Variants in PTPRD observed in about 807,000 individuals in gnomAD.
PTPRD encodes the protein protein tyrosine phosphatase receptor type D.
A neutral mutation model predicts 214.5 loss-of-function variants in PTPRD; 34 were observed. The ratio of observed to expected loss-of-function variants is 0.16; its 90% confidence interval spans 0.12 to 0.21. PTPRD has a LOEUF of 0.21. PTPRD is among the 10% of genes least tolerant of loss of function. PTPRD has a pLI of 1.00. For synonymous variants in PTPRD, 1,128 were observed against 845.7 expected, an observed-to-expected ratio of 1.33 and a Z score of -5.79; for missense variants, 2,545 against 2,398.7, an observed-to-expected ratio of 1.06 and a Z score of -1.27.
intron 11 of PTPRD, among the ~76,000 whole-genome samples, chr9:8,956,557 G>A (rs2099132700): frequency 1.3e-5 from 2 of 151,898 alleles, no homozygotes; most frequent in South Asian, 4.1e-4. Flanking sequence ...TGGGCTATGT[G>A]TAAATTTCTT....
chr9:9,803,071 C>A (rs566133596), intron 5 of PTPRD, among the ~76,000 whole-genome samples: 18 of 151,664 alleles, frequency 1.2e-4, no homozygotes, highest in Non-Finnish European at 2.4e-4. Flanking sequence ...ATATGCATAT[C>A]GGTTTATTGT....
At chr9:9,571,220 A>AT (rs2086280534) in intron 8 of PTPRD, among the ~76,000 whole-genome samples, 1 of 151,444 alleles carries the variant, frequency 6.6e-6, no homozygotes, top group Admixed American at 6.6e-5. Context: ...AACAATCCTG[A>AT]TTTTTATACC....
At chr9:10,495,199 T>G (rs953619058) in intron 2 of PTPRD, among the ~76,000 whole-genome samples, 1 of 151,744 alleles carries the variant, frequency 6.6e-6, no homozygotes, top group Admixed American at 6.6e-5. Flanking sequence ...AGAAATGGAG[T>G]AGAGTTATCA....
At position 8,938,303 on chromosome 9, in the gene PTPRD, G is replaced by C. The variant is rs79249339; in HGVS notation, c.-104+80394C>G. Among the ~76,000 whole-genome samples, 81 of 151,914 alleles carry C rather than the reference G, an allele frequency of 5.3e-4. 3 individuals carry two copies. The East Asian group carries it at 0.015, about 28-fold the overall frequency. On this transcript the variant is annotated intron_variant, in intron 11 of 45. Transcript: ENST00000381196. ...AGAGGAGATGAGAAGAGAGGAGGGA[G>C]AAGAGAGAAGAGGAGAGAACACAAG...
chr9:9,220,491 G>C (rs1232443630), intron 9 of PTPRD, among the ~76,000 whole-genome samples: 1 of 151,768 alleles, frequency 6.6e-6, no homozygotes, highest in Non-Finnish European at 1.5e-5. Context: ...TTGTGCATTG[G>C]GGATATATTC....
chr9:9,506,304 T>A (rs1033175750), intron 8 of PTPRD, among the ~76,000 whole-genome samples: 2 of 151,440 alleles, frequency 1.3e-5, no homozygotes, highest in African/African-American at 4.8e-5. Context: ...TTAAAATTTG[T>A]AGAAGCAGTA....
chr9:9,040,121 A>G (rs1202199549), intron 10 of PTPRD, among the ~76,000 whole-genome samples: 1 of 152,156 alleles, frequency 6.6e-6, no homozygotes, highest in African/African-American at 2.4e-5. Flanking sequence ...AAGTAATGCC[A>G]TTTAATCTTT....
At chr9:9,496,069 A>G (rs2096172461) in intron 8 of PTPRD, among the ~76,000 whole-genome samples, 1 of 152,180 alleles carries the variant, frequency 6.6e-6, no homozygotes, top group Admixed American at 6.6e-5. Flanking sequence ...ACAGCAGGCC[A>G]AGTAAACAGG....
At chr9:8,611,844 G>C (rs919222078) in intron 14 of PTPRD, among the ~76,000 whole-genome samples, 9 of 148,968 alleles carry the variant, frequency 6.0e-5, no homozygotes, top group South Asian at 4.3e-4. Flanking sequence ...AAAGAGAGCA[G>C]GAATAGCATT....
intron 35 of PTPRD, among the ~76,000 whole-genome samples, chr9:8,416,876 G>A (rs541427605): frequency 1.7e-4 from 26 of 151,928 alleles, no homozygotes; most frequent in Non-Finnish European, 3.7e-4. Context: ...TTGAGGCATA[G>A]AAGGGTTAAG....
chr9:8,385,560 C>A (rs548883943), intron 37 of PTPRD, among the ~76,000 whole-genome samples: 1 of 151,996 alleles, frequency 6.6e-6, no homozygotes, highest in African/African-American at 2.4e-5. Context: ...CAAAACAGAA[C>A]GCTTGAAAAG....
intron 4 of PTPRD, among the ~76,000 whole-genome samples, chr9:9,952,922 T>A (rs889959553): frequency 2.0e-5 from 3 of 152,088 alleles, no homozygotes. Context: ...TATATAAGAA[T>A]GATATAATTG....
intron 5 of PTPRD, among the ~76,000 whole-genome samples, chr9:9,898,548 C>A (rs12238709): frequency 0.078 from 11,915 of 152,010 alleles, 727 homozygotes; most frequent in East Asian, 0.33. Context: ...GCTCTAGATG[C>A]GCATGCTATT....
At chr9:10,208,247 G>T (rs370259774) in intron 3 of PTPRD, among the ~76,000 whole-genome samples, 1 of 152,198 alleles carries the variant, frequency 6.6e-6, no homozygotes, top group Non-Finnish European at 1.5e-5. Context: ...GGGCGCGGTG[G>T]CTCAGGCCCG....
intron 6 of PTPRD, among the ~76,000 whole-genome samples, chr9:9,736,635 A>T (rs1330248265): frequency 6.6e-6 from 1 of 152,080 alleles, no homozygotes; most frequent in Non-Finnish European, 1.5e-5. Flanking sequence ...TTTAGCTATC[A>T]GTTTACTATT....
At chr9:8,569,741 G>A (rs2090535970) in intron 14 of PTPRD, among the ~76,000 whole-genome samples, 1 of 151,966 alleles carries the variant, frequency 6.6e-6, no homozygotes, top group Admixed American at 6.6e-5. Flanking sequence ...AAGGACTTAA[G>A]AATCACCTCT....
chr9:8,445,329 C>T (rs1357413216), intron 34 of PTPRD, among the ~76,000 whole-genome samples: 1 of 152,100 alleles, frequency 6.6e-6, no homozygotes, highest in Non-Finnish European at 1.5e-5. Context: ...TATAACTTGG[C>T]TATACACTGC....
intron 9 of PTPRD, among the ~76,000 whole-genome samples, chr9:9,390,215 A>C (rs1342316155): frequency 1.3e-5 from 2 of 152,182 alleles, no homozygotes; most frequent in Non-Finnish European, 2.9e-5. Flanking sequence ...TGGAGGTGGG[A>C]AACCATGTCA....
intron 4 of PTPRD, among the ~76,000 whole-genome samples, chr9:10,019,631 C>T (rs2096802118): frequency 6.6e-6 from 1 of 152,096 alleles, no homozygotes; most frequent in African/African-American, 2.4e-5. Context: ...TTTGTAGGGA[C>T]ATGGATGAAG....
Sources: allele counts gnomAD v4.1 joint callset (sites outside exome capture counted in the v4.1 genomes callset), GRCh38; gene constraint gnomAD v4.1.1; transcripts MANE v1.5; gene names NCBI Gene and HGNC (gene_info 2026-07-23, HGNC 2026-07-21).